SLC25A48: variants seen among roughly 807,000 people sequenced by gnomAD.
SLC25A48 encodes the protein solute carrier family 25 member 48.
In SLC25A48, 29 loss-of-function variants were observed where a neutral mutation model predicts 32.2. The ratio of observed to expected loss-of-function variants is 0.90; its 90% CI spans 0.67 to 1.23. The LOEUF (loss-of-function observed/expected upper bound fraction) is 1.23. Ranked by LOEUF, SLC25A48 falls within the 50% of genes most tolerant of loss-of-function variation. SLC25A48 has a pLI of 0.00. For missense variants in SLC25A48, 399 were observed against 422.7 expected, an observed-to-expected ratio of 0.94 and a Z score of 0.49; for synonymous variants, 164 against 172.3, an observed-to-expected ratio of 0.95 and a Z score of 0.38.
At chr5:135,765,955 T>C (rs1320309864) in intron 3 of SLC25A48, among the ~76,000 whole-genome samples, 1 of 151,384 alleles carries the variant, frequency 6.6e-6, no homozygotes, top group African/African-American at 2.4e-5. Context: ...ATATCGTGGA[T>C]TGCATACATC....
Position 135,730,337 on chromosome 5 carries a change from G to A in SLC25A48, c.-520-82186G>A, listed in dbSNP as rs539670973. 4.6e-5 allele frequency among the ~76,000 whole-genome samples: 7 copies of A among 152,252 alleles called. No individual in the cohort carries two copies. In the South Asian group the frequency reaches 1.0e-3, roughly 23 times the overall value. On this transcript the variant is annotated intron_variant, in intron 3 of 10. Transcript: ENST00000646290. ...TTTCCCATGCTGTTCTCATGATAGTGAATAAGTCTCACAAGATCTGATGGT... is the reference window on the plus strand; with the variant it reads ...TTTCCCATGCTGTTCTCATGATAGTAAATAAGTCTCACAAGATCTGATGGT...
At chr5:135,600,691 AT>A (rs11320465) in intron 1 of SLC25A48, among the ~76,000 whole-genome samples, 71,713 of 150,376 alleles carry the variant, frequency 0.48, 17,644 homozygotes, top group African/African-American at 0.61. Context: ...TTATTTATTT[AT>A]TTTTTTTTGA....
At chr5:135,883,850 A>G (rs1190216164) in intron 7 of SLC25A48, among the ~76,000 whole-genome samples, 1 of 152,142 alleles carries the variant, frequency 6.6e-6, no homozygotes, top group Admixed American at 6.5e-5. Flanking sequence ...GAGTGACTTC[A>G]TTGTTCTAAA....
At chr5:135,874,297 C>A (rs1014980508) in intron 6 of SLC25A48, 143 bp downstream of exon 6, 18 of 1,027,718 alleles carry the variant, frequency 1.8e-5, no homozygotes, top group Non-Finnish European at 2.4e-5. Context: ...CAAGTGGGTG[C>A]TTTGTCAAGC....
At chr5:135,784,828 C>T (rs7378596) in intron 3 of SLC25A48, among the ~76,000 whole-genome samples, 59,394 of 116,034 alleles carry the variant, frequency 0.51, 22,751 homozygotes, top group Middle Eastern at 0.7. Flanking sequence ...CTCCCAATAT[C>T]GTAAGAAATG....
rs537519636 is a variant in SLC25A48 at position 135,886,955 on chromosome 5, A to G, written c.*8-1077A>G. ...TCAGGGTTGGCCAATTTGCCTTACC[A>G]GGAAAGATGAAAAGAAGAACAAAAA... On this transcript the variant is annotated intron_variant, in intron 7 of 7. Coordinates refer to ENST00000681962, the MANE Select transcript of SLC25A48 (RefSeq NM_001349336.2). 2.6e-5 allele frequency among the ~76,000 whole-genome samples: 4 copies of G among 152,096 alleles called. No individual in the cohort carries two copies. The South Asian group carries it at 6.3e-4, about 24-fold the overall frequency.
intron 1 of SLC25A48, among the ~76,000 whole-genome samples, chr5:135,596,681 C>G (rs180743537): frequency 1.6e-3 from 240 of 152,280 alleles, no homozygotes; most frequent in African/African-American, 5.6e-3. Context: ...TTTGCCACCC[C>G]CTCCATTCTT....
At chr5:135,802,620 G>T (rs1455205228) in intron 3 of SLC25A48, among the ~76,000 whole-genome samples, 1 of 150,276 alleles carries the variant, frequency 6.7e-6, no homozygotes, top group East Asian at 2.0e-4. Context: ...TCACAGTAGG[G>T]GTACACCATG....
chr5:135,690,023 A>G (rs919446507), intron 3 of SLC25A48, among the ~76,000 whole-genome samples: 2 of 152,190 alleles, frequency 1.3e-5, no homozygotes, highest in African/African-American at 2.4e-5. Context: ...TCAGCCAGAC[A>G]TGTACATTCG....
chr5:135,679,061 G>A (rs778617261), intron 3 of SLC25A48, among the ~76,000 whole-genome samples: 3 of 152,188 alleles, frequency 2.0e-5, no homozygotes, highest in Non-Finnish European at 4.4e-5. Context: ...GGCTGGGTAG[G>A]CAGGTGGGTC....
intron 3 of SLC25A48, among the ~76,000 whole-genome samples, chr5:135,708,582 C>T (rs1315841228): frequency 1.3e-5 from 2 of 152,192 alleles, no homozygotes; most frequent in Non-Finnish European, 2.9e-5. Context: ...TCAGGCCCCA[C>T]CCCGGTCAGG....
intron 3 of SLC25A48, among the ~76,000 whole-genome samples, chr5:135,770,590 G>A (rs1332111404): frequency 1.3e-5 from 2 of 151,744 alleles, no homozygotes; most frequent in African/African-American, 4.8e-5. Context: ...ACACACCCCT[G>A]TGATATTGTT....
Position 135,800,667 on chromosome 5 carries a change from T to C in SLC25A48, c.-520-11856T>C, listed in dbSNP as rs1298357211. The stretch of plus-strand genomic sequence containing the variant: ...GGAGAATATATTACTTCCAATATCG[T>C]AAACACCTTGAGTGTACACCCCCCT... On this transcript the variant is annotated intron_variant, in intron 3 of 10. Transcript: ENST00000646290. Among the ~76,000 whole-genome samples, 3 of 151,910 alleles carry C rather than the reference T, an allele frequency of 2.0e-5. No homozygotes were observed. In the East Asian group the frequency reaches 5.8e-4, roughly 29 times the overall value.
At chr5:135,775,495 T>C (rs1756531022) in intron 3 of SLC25A48, among the ~76,000 whole-genome samples, 1 of 151,596 alleles carries the variant, frequency 6.6e-6, no homozygotes. Context: ...GTTTTTTATA[T>C]CCAGAGAGGA....
At chr5:135,818,095 CT>C (rs1561507407) in intron 4 of SLC25A48, among the ~76,000 whole-genome samples, 23 of 144,814 alleles carry the variant, frequency 1.6e-4, no homozygotes, top group Non-Finnish European at 2.3e-4. Flanking sequence ...CTCTCTCTCT[CT>C]CTCTCTCTCT....
chr5:135,887,364 G>A (rs80231241), intron 7 of SLC25A48, among the ~76,000 whole-genome samples: 5,657 of 152,206 alleles, frequency 0.037, 153 homozygotes, highest in Middle Eastern at 0.065. Context: ...ATTGAAAAGA[G>A]CAGATAACAT....
At chr5:135,605,763 G>A (rs571707309) in intron 1 of SLC25A48, among the ~76,000 whole-genome samples, 62 of 152,206 alleles carry the variant, frequency 4.1e-4, no homozygotes, top group African/African-American at 1.5e-3. Context: ...CACTGTCTTG[G>A]ATCCCGGGAA....
At chr5:135,616,009 A>T (rs931553599) in intron 1 of SLC25A48, among the ~76,000 whole-genome samples, 5 of 152,208 alleles carry the variant, frequency 3.3e-5, no homozygotes, top group African/African-American at 1.2e-4. Context: ...TGGAGGCTTC[A>T]TCTTGGTGTT....
chr5:135,803,799 A>G (rs1241549764), intron 3 of SLC25A48, among the ~76,000 whole-genome samples: 1 of 151,584 alleles, frequency 6.6e-6, no homozygotes, highest in Non-Finnish European at 1.5e-5. Context: ...TATTCTAAGG[A>G]GATATTACTC....
Sources: allele counts gnomAD v4.1 joint callset (sites outside exome capture counted in the v4.1 genomes callset), GRCh38; gene constraint gnomAD v4.1.1; transcripts MANE v1.5; gene names NCBI Gene and HGNC (gene_info 2026-07-23, HGNC 2026-07-21).